The following AFF2 variants were observed in gnomAD, a reference collection of about 807,000 sequenced individuals.
AFF2 encodes the protein ALF transcription elongation factor 2, also known as AF4/FMR2 family member 2.
Under a neutral mutation model 76.9 loss-of-function variants are expected in AFF2, and 14 were observed. That is an observed-to-expected ratio of 0.18 (90% CI 0.12 to 0.28). The LOEUF (loss-of-function observed/expected upper bound fraction) is 0.28. AFF2 is among the 10% of genes least tolerant of loss of function. AFF2 has a pLI of 1.00. For missense variants in AFF2, 868 were observed against 1,001.1 expected, an observed-to-expected ratio of 0.87 and a Z score of 1.79; for synonymous variants, 398 against 366.7, an observed-to-expected ratio of 1.09 and a Z score of -0.98.
In AFF2 at chrX:148,847,544, A is replaced by T. The variant is rs192222275; in HGVS notation, c.1262+4111A>T. Among the ~76,000 whole-genome samples, 652 of 111,893 alleles carry T rather than the reference A, an allele frequency of 5.8e-3. 5 individuals carry two copies. The highest frequency in any genetic ancestry group is 0.02 in the African/African-American group (627 of 30,762). On this transcript the variant is annotated intron_variant, in intron 7 of 20. Transcript: ENST00000370460. ...TATAGCCATAATGTTGGTTTTTTTT[A>T]ATAAAACCAGTTTGCCAACTTATGG... is the stretch of plus-strand genomic sequence containing the variant.
chrX:148,792,960 C>G (rs1200910729), intron 3 of AFF2, among the ~76,000 whole-genome samples: 2 of 112,098 alleles, frequency 1.8e-5, no homozygotes, highest in Non-Finnish European at 3.8e-5. Flanking sequence ...TGCAGCTGCT[C>G]TAATGTATAT....
intron 3 of AFF2, among the ~76,000 whole-genome samples, chrX:148,763,503 G>A (rs1248711415): frequency 9.1e-6 from 1 of 109,890 alleles, no homozygotes; most frequent in Non-Finnish European, 1.9e-5. Flanking sequence ...TAGGTGATAT[G>A]GCATGGTGAC....
intron 3 of AFF2, among the ~76,000 whole-genome samples, chrX:148,705,664 TG>T (rs782049509): frequency 8.9e-6 from 1 of 111,978 alleles, no homozygotes; most frequent in South Asian, 3.7e-4. Context: ...TAATATGGCT[TG>T]TTCTATGTGG....
intron 9 of AFF2, among the ~76,000 whole-genome samples, chrX:148,937,074 G>A (rs1375817888): frequency 2.7e-5 from 3 of 111,802 alleles, no homozygotes; most frequent in Non-Finnish European, 3.8e-5. Flanking sequence ...GGATAGGAGA[G>A]GAGACCACAG....
intron 9 of AFF2, 54 bp downstream of exon 9, chrX:148,904,312 T>G: frequency 2.8e-6 from 2 of 725,781 alleles, no homozygotes; most frequent in Non-Finnish European, 4.3e-6. Flanking sequence ...ACTCGATGCA[T>G]GTGAAAAAAT....
chrX:148,838,415 G>A (rs781929597), intron 5 of AFF2, among the ~76,000 whole-genome samples: 7 of 111,700 alleles, frequency 6.3e-5, no homozygotes, highest in Middle Eastern at 4.6e-3. Flanking sequence ...AAGAAAAACC[G>A]TCTACATGCT....
chrX:148,908,457 C>T (rs1456940718), intron 9 of AFF2, among the ~76,000 whole-genome samples: 1 of 111,992 alleles, frequency 8.9e-6, no homozygotes, highest in Non-Finnish European at 1.9e-5. Context: ...TCGGCCGGTC[C>T]CTCCATTCGG....
At chrX:148,747,108 A>G (rs2055429879) in intron 3 of AFF2, among the ~76,000 whole-genome samples, 1 of 111,994 alleles carries the variant, frequency 8.9e-6, no homozygotes, top group Non-Finnish European at 1.9e-5. Flanking sequence ...AGACATTTAT[A>G]TCAATAAAGG....
chrX:148,712,429 A>C (rs946692814), intron 3 of AFF2, among the ~76,000 whole-genome samples: 21 of 112,003 alleles, frequency 1.9e-4, no homozygotes, highest in African/African-American at 6.8e-4. Flanking sequence ...AAGACAGCGA[A>C]GAAGGTCACT....
At chrX:148,677,638 A>G (rs782080559) in intron 3 of AFF2, among the ~76,000 whole-genome samples, 2 of 112,662 alleles carry the variant, frequency 1.8e-5, no homozygotes, top group South Asian at 7.3e-4. Flanking sequence ...AGTTGAATTT[A>G]TCTTGTACTG....
chrX:148,500,874 G>C lies in AFF2; in HGVS notation c.-224G>C. On this transcript the variant is annotated 5_prime_UTR_variant, in exon 1 of 21. Transcript: ENST00000370460. ...CGAGCGGACCCGAGTGGGCGACCAG[G>C]CGCTTGCCCGCCCAGTGCCACTGCC... 2.8e-6 allele frequency: 1 copy of C among 353,957 alleles called. No individual in the cohort carries two copies. Among genetic ancestry groups the C allele is most frequent in the Admixed American group, 5.9e-5 (1 of 16,972 alleles). 29.2% of individuals were successfully genotyped at this position (353,957 alleles called of 1,213,427 possible). A position where few individuals can be genotyped will look rare whatever the true frequency, so the allele number is the denominator to read the frequency against.
chrX:148,817,980 C>T (rs2070286278), intron 4 of AFF2, among the ~76,000 whole-genome samples: 1 of 111,658 alleles, frequency 9.0e-6, no homozygotes, highest in East Asian at 2.8e-4. Flanking sequence ...AATATATCCA[C>T]CTTAACCCAA....
intron 3 of AFF2, among the ~76,000 whole-genome samples, chrX:148,798,293 A>G (rs1377917875): frequency 8.9e-6 from 1 of 111,861 alleles, no homozygotes. Flanking sequence ...CCATAGCCTA[A>G]TCAACCCTAA....
At chrX:148,747,791 A>G (rs2055440347) in intron 3 of AFF2, among the ~76,000 whole-genome samples, 1 of 112,002 alleles carries the variant, frequency 8.9e-6, no homozygotes, top group Non-Finnish European at 1.9e-5. Flanking sequence ...GCAAGTGATT[A>G]TATCTCTTCT....
chrX:148,589,312 T>C (rs868948666), intron 1 of AFF2, among the ~76,000 whole-genome samples: 2 of 111,087 alleles, frequency 1.8e-5, no homozygotes, highest in Non-Finnish European at 3.8e-5. Context: ...TTAATATCCA[T>C]CCCCAAAGGG....
chrX:148,862,541 C>T (rs187964048), intron 7 of AFF2, among the ~76,000 whole-genome samples: 79 of 111,722 alleles, frequency 7.1e-4, no homozygotes, highest in African/African-American at 2.4e-3. Context: ...GCTCTATTAA[C>T]GCCAGTAATC....
At chrX:148,830,591 G>A (rs782526187) in intron 4 of AFF2, among the ~76,000 whole-genome samples, 7 of 111,827 alleles carry the variant, frequency 6.3e-5, no homozygotes, top group East Asian at 2.8e-4. Flanking sequence ...GGCAGGTTCC[G>A]TGATGCCCCC....
At chrX:148,943,285 A>T (rs1312238354) in intron 9 of AFF2, among the ~76,000 whole-genome samples, 2 of 112,715 alleles carry the variant, frequency 1.8e-5, no homozygotes, top group African/African-American at 6.5e-5. Context: ...GAAATTGCGT[A>T]TGTGACTTTG....
At chrX:148,843,084 C>A in intron 6 of AFF2, 82 bp downstream of exon 6, 1 of 772,460 alleles carries the variant, frequency 1.3e-6, no homozygotes, top group Non-Finnish European at 1.9e-6. Flanking sequence ...TACTTAAAAT[C>A]ATTAAAACAT....
Sources: allele counts gnomAD v4.1 joint callset (sites outside exome capture counted in the v4.1 genomes callset), GRCh38; gene constraint gnomAD v4.1.1; transcripts MANE v1.5; gene names NCBI Gene and HGNC (gene_info 2026-07-23, HGNC 2026-07-21).